P3H2: variants seen among roughly 807,000 people sequenced by gnomAD.
P3H2 encodes the protein leprecan-like 1.
A neutral mutation model predicts 87.0 loss-of-function variants in P3H2; 80 were observed. The observed-to-expected ratio is 0.92, with a 90% confidence interval of 0.77 to 1.11. The LOEUF (loss-of-function observed/expected upper bound fraction) is 1.11. P3H2 is among the 50% of genes least tolerant of loss of function. P3H2 has a pLI of 0.00. For missense variants in P3H2, 1,001 were observed against 923.9 expected, an observed-to-expected ratio of 1.08 and a Z score of -1.08; for synonymous variants, 367 against 359.3, an observed-to-expected ratio of 1.02 and a Z score of -0.24.
Position 190,010,310 on chromosome 3 carries a change from A to G in P3H2, c.481-14868T>C, listed in dbSNP as rs532174746. Among the ~76,000 whole-genome samples the G allele has an allele frequency of 5.3e-5, 8 of 152,306 alleles. No homozygotes were observed. The South Asian group carries it at 1.7e-3, about 32-fold the overall frequency. On this transcript the variant is annotated intron_variant, in intron 1 of 14. Coordinates refer to ENST00000319332, the MANE Select transcript of P3H2 (RefSeq NM_018192.4). ...AACATGTAATACACCAGAGACCTGA[A>G]ATAAATGTATTACCACGTGTTTTGC...
At chr3:190,015,662 T>C (rs1366131533) in intron 1 of P3H2, among the ~76,000 whole-genome samples, 3 of 151,456 alleles carry the variant, frequency 2.0e-5, no homozygotes, top group Admixed American at 2.0e-4. Flanking sequence ...CAAGCTGATA[T>C]TGGTAGGATA....
At chr3:190,017,967 C>T (rs1289800526) in intron 1 of P3H2, among the ~76,000 whole-genome samples, 2 of 152,076 alleles carry the variant, frequency 1.3e-5, no homozygotes, top group African/African-American at 2.4e-5. Context: ...GATCTGAGCA[C>T]GTCAATGGAA....
At chr3:190,034,642 A>ATAATC in intron 1 of P3H2, among the ~76,000 whole-genome samples, 1 of 152,294 alleles carries the variant, frequency 6.6e-6, no homozygotes, top group South Asian at 2.1e-4. Context: ...GGGGTTGATT[A>ATAATC]TAAAAGGGCT....
At chr3:190,067,635 T>C (rs763828843) in intron 1 of P3H2, among the ~76,000 whole-genome samples, 4 of 152,176 alleles carry the variant, frequency 2.6e-5, no homozygotes, top group Non-Finnish European at 4.4e-5. Context: ...AGCCATAAAA[T>C]TCTACATATG....
chr3:190,076,348 T>G (rs1726877432), intron 1 of P3H2, among the ~76,000 whole-genome samples: 1 of 152,108 alleles, frequency 6.6e-6, no homozygotes, highest in African/African-American at 2.4e-5. Context: ...CCAAAAACTA[T>G]CAAAAGCCAG....
chr3:190,107,404 A>C (rs907609221), intron 1 of P3H2, among the ~76,000 whole-genome samples: 3 of 152,200 alleles, frequency 2.0e-5, no homozygotes, highest in African/African-American at 7.2e-5. Context: ...TGAATAATTT[A>C]GTCTACGAAT....
intron 1 of P3H2, among the ~76,000 whole-genome samples, chr3:190,041,037 TACACACACACACACACACAC>T (rs1202716732): frequency 0.021 from 1,055 of 49,376 alleles, 103 homozygotes; most frequent in African/African-American, 0.058. Flanking sequence ...TATATATATA[TACACACACACACACACACAC>T]ACACACACAC....
chr3:189,966,349 A>T (rs1723006860), intron 13 of P3H2, among the ~76,000 whole-genome samples: 1 of 152,192 alleles, frequency 6.6e-6, no homozygotes, highest in Non-Finnish European at 1.5e-5. Flanking sequence ...TAAAGAAAGG[A>T]TGTGGGGACA....
intron 1 of P3H2, among the ~76,000 whole-genome samples, chr3:190,030,672 AT>A (rs1487807069): frequency 6.6e-6 from 1 of 152,208 alleles, no homozygotes; most frequent in Non-Finnish European, 1.5e-5. Context: ...AAGAGGTAAA[AT>A]TTTGAAAATT....
upstream of P3H2, among the ~76,000 whole-genome samples, chr3:190,121,291 T>C (rs1013587782): frequency 2.6e-5 from 4 of 151,264 alleles, no homozygotes; most frequent in Non-Finnish European, 4.4e-5. Flanking sequence ...CATGTGTACC[T>C]ACGCAACAAA....
intron 8 of P3H2, among the ~76,000 whole-genome samples, chr3:189,979,287 G>A (rs1283043526): frequency 6.6e-6 from 1 of 151,914 alleles, no homozygotes; most frequent in African/African-American, 2.4e-5. Context: ...AATTCGCTGG[G>A]CATGGTGATG....
chr3:189,988,879 A>C (rs769173787), intron 4 of P3H2, 28 bp downstream of exon 4: 2 of 1,613,814 alleles, frequency 1.2e-6, no homozygotes. Flanking sequence ...ACCCCCCAAG[A>C]AGTCTTCACG....
intron 7 of P3H2, 56 bp downstream of exon 7, chr3:189,984,494 A>AACC: frequency 8.1e-7 from 1 of 1,231,798 alleles, no homozygotes; most frequent in Non-Finnish European, 1.2e-6. Context: ...ATGATAGGTT[A>AACC]TGACACTAAG....
rs1207653554 is a variant in P3H2 at position 189,957,613 on chromosome 3, A to G, written c.*299T>C. The G allele has an allele frequency of 4.5e-6, 2 of 444,306 alleles. No homozygotes were observed. Among genetic ancestry groups the G allele is most frequent in the Admixed American group, 3.9e-5 (1 of 25,808 alleles). The allele number at this position is 444,306 out of a possible 1,614,324, so 27.5% of individuals were successfully genotyped here. A position where few individuals can be genotyped will look rare whatever the true frequency, so the allele number is the denominator to read the frequency against. On this transcript the variant is annotated 3_prime_UTR_variant, in exon 15 of 15. Transcript: ENST00000319332. ...GCTTGAAGGATCGCCTGAGCCTAAG[A>G]GTTTGAGGCTCCAGTGTGCTATCAT...
chr3:189,966,284 C>T lies in P3H2; in HGVS notation c.1894-2186G>A, dbSNP rs913659741. On this transcript the variant is annotated intron_variant, in intron 13 of 14. Transcript: ENST00000319332. ...GTGCTGGTCAGGACTCACTCAAACA[C>T]GCATTTGCCAATGTTTCTATGTGAT... Among the ~76,000 whole-genome samples, 7 of 152,300 alleles carry T rather than the reference C, an allele frequency of 4.6e-5. No individual in the cohort carries two copies. In the East Asian group the frequency reaches 7.7e-4, roughly 17 times the overall value.
intron 1 of P3H2, among the ~76,000 whole-genome samples, chr3:190,095,185 T>C (rs1259321585): frequency 6.6e-6 from 1 of 151,238 alleles, no homozygotes; most frequent in African/African-American, 2.4e-5. Context: ...TATTATTATG[T>C]TCATTTTACA....
At chr3:190,118,449 G>C (rs1712380372) in intron 1 of P3H2, among the ~76,000 whole-genome samples, 1 of 151,860 alleles carries the variant, frequency 6.6e-6, no homozygotes, top group Admixed American at 6.6e-5. Context: ...TCTCTGCCTG[G>C]TGTTGACTGA....
intron 1 of P3H2, among the ~76,000 whole-genome samples, chr3:190,114,331 C>G (rs1014618774): frequency 1.0e-4 from 15 of 150,708 alleles, no homozygotes; most frequent in Non-Finnish European, 1.5e-4. Flanking sequence ...CTACAGGCGC[C>G]TGCCACCACG....
chr3:190,072,595 ATATT>A (rs1384098766), intron 1 of P3H2, among the ~76,000 whole-genome samples: 3 of 152,244 alleles, frequency 2.0e-5, no homozygotes, highest in African/African-American at 7.2e-5. Context: ...CCATCAAGCA[ATATT>A]TATTAGTGCA....
Sources: gnomAD v4.1 joint callset for allele counts (sites outside exome capture counted in the v4.1 genomes callset) on GRCh38, gnomAD v4.1.1 for gene constraint, MANE v1.5 for transcripts, NCBI Gene and HGNC (gene_info 2026-07-23, HGNC 2026-07-21) for gene names.